LIG1: variants seen among roughly 807,000 people sequenced by gnomAD.
The protein encoded by LIG1 is DNA ligase 1, also known as ligase I, DNA, ATP-dependent.
In LIG1, 70 loss-of-function variants were observed where a neutral mutation model predicts 115.7. The observed-to-expected ratio is 0.60, with a 90% CI of 0.50 to 0.74. The LOEUF is 0.74. Among genes scored for constraint, LIG1 ranks in the 30% least tolerant of loss-of-function variants. The pLI is 0.00. For missense variants in LIG1, 1,115 were observed against 1,225.6 expected (o/e 0.91, Z 1.35); for synonymous variants, 487 against 495.3 (o/e 0.98, Z 0.22).
intron 1 of LIG1, chr19:48,165,850 T>C (rs1428593096): frequency 7.3e-6 from 4 of 550,832 alleles, no homozygotes; most frequent in Non-Finnish European, 1.3e-5. Flanking sequence ...TCCTTTACCA[T>C]AAGAAGACTG....
intron 19 of LIG1, among the ~76,000 whole-genome samples, chr19:48,130,232 G>A (rs1034040662): frequency 6.6e-6 from 1 of 152,214 alleles, no homozygotes; most frequent in Non-Finnish European, 1.5e-5. Flanking sequence ...TGCTTGGCAC[G>A]GAACAGGAGC....
At chr19:48,128,555 G>A (rs560340774) in intron 19 of LIG1, among the ~76,000 whole-genome samples, 4 of 152,318 alleles carry the variant, frequency 2.6e-5, no homozygotes, top group African/African-American at 4.8e-5. Context: ...ACCCCAGCAC[G>A]TGAGCCTCTC....
In LIG1 at chr19:48,142,119, T is replaced by C. The variant is rs572001343; in HGVS notation, c.914+1424A>G. ...GAGTTCAAGACCAGCCTGGCCAACA[T>C]AGTGAAACCCCATCTCTATTACAAA... On this transcript the variant is annotated intron_variant, in intron 11 of 27. Coordinates refer to ENST00000263274, the MANE Select transcript of LIG1 (RefSeq NM_000234.3). Among the ~76,000 whole-genome samples, 35 of 150,668 alleles carry C rather than the reference T, an allele frequency of 2.3e-4. No individual in the cohort carries two copies. In the South Asian group the frequency reaches 7.3e-3, roughly 32 times the overall value.
intron 4 of LIG1, 139 bp from the exon 5 acceptor site, chr19:48,157,279 G>GA: frequency 1.4e-5 from 13 of 919,938 alleles, no homozygotes; most frequent in Non-Finnish European, 1.9e-5. Flanking sequence ...ACTCAGGGGT[G>GA]GCCTCTTCTC....
At chr19:48,127,053 C>T (rs1434404365) in intron 21 of LIG1, 17 of 565,660 alleles carry the variant, frequency 3.0e-5, no homozygotes, top group Admixed American at 5.9e-5. Flanking sequence ...ATCCACCTCA[C>T]GCCAATGTGG....
intron 5 of LIG1, among the ~76,000 whole-genome samples, chr19:48,156,210 T>A (rs1332697747): frequency 3.9e-5 from 6 of 152,166 alleles, no homozygotes; most frequent in African/African-American, 1.2e-4. Context: ...AATTTCTATG[T>A]TCCCCTTGCC....
chr19:48,149,635 T>C, intron 9 of LIG1, 128 bp downstream of exon 9: 1 of 754,664 alleles, frequency 1.3e-6, no homozygotes, highest in Non-Finnish European at 2.3e-6. Context: ...ATTTACTCTC[T>C]GGCTCTTTAT....
Position 48,159,183 on chromosome 19 carries a change from T to C in LIG1, c.244-2043A>G, listed in dbSNP as rs950856805. 2.0e-5 allele frequency among the ~76,000 whole-genome samples: 3 copies of C among 151,830 alleles called. 1 individual carries two copies. Among genetic ancestry groups the C allele is most frequent in the Non-Finnish European group, 4.4e-5 (3 of 67,980 alleles). ...ACCTCCATCTCCCAGGTTCAAGCAA[T>C]TCTCCTGCCTCAGCCTCCCAAGTAG... On this transcript the variant is annotated intron_variant, in intron 4 of 27. Coordinates refer to ENST00000263274, the MANE Select transcript of LIG1 (RefSeq NM_000234.3).
At chr19:48,162,227 G>GA in intron 3 of LIG1, 35 bp downstream of exon 3, 1 of 1,570,522 alleles carries the variant, frequency 6.4e-7, no homozygotes, top group Non-Finnish European at 8.8e-7. Flanking sequence ...ACTGCTAAAG[G>GA]AAAAAATTCA....
chr19:48,170,276 A>G lies in LIG1; in HGVS notation c.-93T>C, dbSNP rs937996247. The stretch of plus-strand genomic sequence containing the variant: ...TCCCGCGCGCCGCTGCCCGGGCAAC[A>G]CACTCAGATCCGCCAGGCGCGCCTC... On this transcript the variant is annotated 5_prime_UTR_variant, in exon 1 of 28. Coordinates refer to ENST00000263274, the MANE Select transcript of LIG1 (RefSeq NM_000234.3). The G allele has an allele frequency of 8.8e-6, 4 of 454,892 alleles. No homozygotes were observed. Among genetic ancestry groups the G allele is most frequent in the East Asian group, 7.0e-5 (1 of 14,310 alleles). The allele number at this position is 454,892 out of a possible 1,614,324, so 28.2% of individuals were successfully genotyped here.
chr19:48,131,717 G>C (rs549858061), intron 18 of LIG1, among the ~76,000 whole-genome samples: 1 of 152,320 alleles, frequency 6.6e-6, no homozygotes, highest in South Asian at 2.1e-4. Context: ...GGGATTACAG[G>C]CGTGAGCCAC....
chr19:48,132,938 G>T, intron 18 of LIG1, 44 bp downstream of exon 18: 3 of 1,415,234 alleles, frequency 2.1e-6, no homozygotes, highest in South Asian at 1.1e-5. Flanking sequence ...CCTGCTCTTT[G>T]ACGTTTTCCT....
At chr19:48,152,648 C>A (rs1451625459) in intron 6 of LIG1, among the ~76,000 whole-genome samples, 1 of 152,036 alleles carries the variant, frequency 6.6e-6, no homozygotes, top group African/African-American at 2.4e-5. Flanking sequence ...CAAAGGAAAC[C>A]CAGCGACACC....
chr19:48,168,565 G>A (rs2123110316), intron 1 of LIG1, among the ~76,000 whole-genome samples: 1 of 152,234 alleles, frequency 6.6e-6, no homozygotes, highest in South Asian at 2.1e-4. Context: ...ACCCTCACAG[G>A]TGGACCAAGT....
Position 48,122,789 on chromosome 19 carries a change from G to T in LIG1, c.2232+145C>A. The T allele has an allele frequency of 3.7e-6, 3 of 808,670 alleles. No homozygotes were observed. The highest frequency in any genetic ancestry group is 6.6e-6 in the Non-Finnish European group (3 of 455,270). 50.1% of individuals were successfully genotyped at this position (808,670 alleles called of 1,614,324 possible). Reference sequence around the variant, plus strand: ...GCAGCAGGGAGAAGGTCTGAACTCAGTTGCAGCAGGGGGCTGGGGTGGGAT... The same window carrying T: ...GCAGCAGGGAGAAGGTCTGAACTCATTTGCAGCAGGGGGCTGGGGTGGGAT... On this transcript the variant is annotated intron_variant, in intron 23 of 27. Transcript: ENST00000263274. This position sits in a 1 kb window ranked among gnomAD's most constrained non-coding sequence, Gnocchi z 4.3.
At chr19:48,126,852 ACAGG>A (rs1173962480) in intron 21 of LIG1, among the ~76,000 whole-genome samples, 1 of 151,292 alleles carries the variant, frequency 6.6e-6, no homozygotes, top group South Asian at 2.1e-4. Flanking sequence ...TGCTCTGATT[ACAGG>A]CGTGAACCAC....
chr19:48,139,883 TCCA>T, intron 12 of LIG1, 85 bp downstream of exon 12: 1 of 1,458,548 alleles, frequency 6.9e-7, no homozygotes, highest in African/African-American at 1.4e-5. Flanking sequence ...ACAGCCTCTC[TCCA>T]CCATCTCTCC....
intron 1 of LIG1, among the ~76,000 whole-genome samples, chr19:48,167,040 G>A (rs1245497931): frequency 6.6e-6 from 1 of 150,920 alleles, no homozygotes; most frequent in Non-Finnish European, 1.5e-5. Context: ...ACAAAACCCA[G>A]GAGTCCAAGA....
chr19:48,126,931 C>T (rs1308909798), intron 21 of LIG1: 1 of 317,976 alleles, frequency 3.1e-6, no homozygotes, highest in Non-Finnish European at 6.2e-6. Flanking sequence ...AGTGGTGAGA[C>T]TAGAGGCATT....
Sources: allele counts gnomAD v4.1 joint callset (sites outside exome capture counted in the v4.1 genomes callset), GRCh38; gene constraint gnomAD v4.1.1; non-coding constraint Gnocchi (gnomAD v3.1); transcripts MANE v1.5; gene names NCBI Gene and HGNC (gene_info 2026-07-23, HGNC 2026-07-21).